Variants in HS3ST4 observed in about 807,000 individuals in gnomAD.
The protein encoded by HS3ST4 is heparan sulfate-glucosamine 3-sulfotransferase 4.
In HS3ST4, 17 loss-of-function variants were observed where a neutral mutation model predicts 29.2. That is an observed-to-expected ratio of 0.58 (90% CI 0.40 to 0.87). HS3ST4 has a LOEUF of 0.87. HS3ST4 is among the 40% of genes least tolerant of loss of function. The probability of loss-of-function intolerance (pLI) is 0.00; values close to 1 mark genes in which losing one functional copy is unlikely to be tolerated. For missense variants in HS3ST4, 627 were observed against 634.5 expected (o/e 0.99, Z 0.13); for synonymous variants, 314 against 285.7 (o/e 1.10, Z -1.00).
intron 1 of HS3ST4, among the ~76,000 whole-genome samples, chr16:25,869,780 G>T: frequency 6.6e-6 from 1 of 152,208 alleles, no homozygotes; most frequent in Non-Finnish European, 1.5e-5. Context: ...CCTGGGAGTA[G>T]TTGGCATTTA....
At position 25,876,997 on chromosome 16, in the gene HS3ST4, A is replaced by G. The variant is rs376405385; in HGVS notation, c.734+183846A>G. On this transcript the variant is annotated intron_variant, in intron 1 of 1. Transcript: ENST00000331351. ...ACTCATATCAGAAAACCCTAGCTAC[A>G]TGACTTTGTGCTAGGTATACAGTAA... Among the ~76,000 whole-genome samples, 4 of 152,196 alleles carry G rather than the reference A, an allele frequency of 2.6e-5. No individual in the cohort carries two copies. The South Asian group carries it at 6.2e-4, about 24-fold the overall frequency.
Position 25,934,555 on chromosome 16 carries a change from T to G in HS3ST4, c.735-201057T>G, listed in dbSNP as rs138801509. 1.2e-4 allele frequency among the ~76,000 whole-genome samples: 19 copies of G among 152,340 alleles called. No individual in the cohort carries two copies. The East Asian group carries it at 3.5e-3, about 28-fold the overall frequency. On this transcript the variant is annotated intron_variant, in intron 1 of 1. Coordinates refer to ENST00000331351, the MANE Select transcript of HS3ST4 (RefSeq NM_006040.3). Reference sequence around the variant, plus strand: ...TGGACAGGCCGAGGTGCTTTTCTGCTGAAGCCTCAGTTGAGGTGCATATAA... The same window carrying G: ...TGGACAGGCCGAGGTGCTTTTCTGCGGAAGCCTCAGTTGAGGTGCATATAA...
intron 1 of HS3ST4, among the ~76,000 whole-genome samples, chr16:25,957,897 G>T (rs1968752908): frequency 6.6e-6 from 1 of 152,116 alleles, no homozygotes; most frequent in Non-Finnish European, 1.5e-5. Flanking sequence ...ACAGGTGGCT[G>T]TTGGCTGGTG....
At chr16:26,043,003 A>C (rs1969648875) in intron 1 of HS3ST4, among the ~76,000 whole-genome samples, 1 of 152,224 alleles carries the variant, frequency 6.6e-6, no homozygotes, top group South Asian at 2.1e-4. Flanking sequence ...TCACTCAGCT[A>C]TCAGCAAAAC....
chr16:25,728,239 A>G (rs1966550043), intron 1 of HS3ST4, among the ~76,000 whole-genome samples: 1 of 152,258 alleles, frequency 6.6e-6, no homozygotes, highest in African/African-American at 2.4e-5. Flanking sequence ...TGACCTCATG[A>G]TCTGACTGCC....
At chr16:25,888,646 A>T (rs1380396021) in intron 1 of HS3ST4, among the ~76,000 whole-genome samples, 1 of 152,182 alleles carries the variant, frequency 6.6e-6, no homozygotes, top group Admixed American at 6.5e-5. Flanking sequence ...CCTTGGAGCT[A>T]GATTTGGGTT....
chr16:25,900,199 A>ATT (rs5816334), intron 1 of HS3ST4, among the ~76,000 whole-genome samples: 31,117 of 152,014 alleles, frequency 0.2, 3,387 homozygotes, highest in Admixed American at 0.27. Context: ...ATTTATTATT[A>ATT]GTTACCTACA....
chr16:25,863,313 C>T (rs1172511314), intron 1 of HS3ST4, among the ~76,000 whole-genome samples: 2 of 152,074 alleles, frequency 1.3e-5, no homozygotes, highest in African/African-American at 4.8e-5. Flanking sequence ...AATCTCTTGA[C>T]CTCCTGATCT....
At chr16:25,999,973 AGTTTAGAATCCAAGAAAT>A (rs1969199219) in intron 1 of HS3ST4, among the ~76,000 whole-genome samples, 1 of 147,314 alleles carries the variant, frequency 6.8e-6, no homozygotes, top group African/African-American at 2.5e-5. Context: ...GCAATGTATG[AGTTTAGAATCCAAGAAAT>A]GTTTATCTAT....
chr16:25,866,028 G>A (rs1307891168), intron 1 of HS3ST4, among the ~76,000 whole-genome samples: 2 of 152,166 alleles, frequency 1.3e-5, no homozygotes, highest in Admixed American at 6.5e-5. Context: ...CAACAGTGAG[G>A]AAACAACCTT....
chr16:25,860,243 T>C (rs1392134061), intron 1 of HS3ST4, among the ~76,000 whole-genome samples: 4 of 152,134 alleles, frequency 2.6e-5, no homozygotes, highest in Non-Finnish European at 5.9e-5. Context: ...ATAGGAACTC[T>C]CATTCATTGC....
intron 1 of HS3ST4, among the ~76,000 whole-genome samples, chr16:26,114,716 G>T (rs1899178515): frequency 6.6e-6 from 1 of 152,108 alleles, no homozygotes; most frequent in East Asian, 1.9e-4. Flanking sequence ...GAAATGAAGA[G>T]AAATAAGTAC....
intron 1 of HS3ST4, among the ~76,000 whole-genome samples, chr16:25,910,579 G>T (rs1275792238): frequency 1.3e-5 from 2 of 151,804 alleles, no homozygotes; most frequent in African/African-American, 4.8e-5. Flanking sequence ...GGAGGCAGAG[G>T]TTGCAGTGAG....
intron 1 of HS3ST4, among the ~76,000 whole-genome samples, chr16:25,830,823 A>G (rs1167818053): frequency 2.0e-5 from 3 of 151,858 alleles, no homozygotes; most frequent in Non-Finnish European, 4.4e-5. Flanking sequence ...TCCTGAGTAT[A>G]GTGACGACCT....
chr16:26,089,174 C>A (rs756589896), intron 1 of HS3ST4, among the ~76,000 whole-genome samples: 31 of 152,162 alleles, frequency 2.0e-4, no homozygotes, highest in Non-Finnish European at 2.8e-4. Context: ...AGACTTGTTG[C>A]CAGAACCCCT....
chr16:26,131,372 T>C (rs1369093230), intron 1 of HS3ST4, among the ~76,000 whole-genome samples: 1 of 152,230 alleles, frequency 6.6e-6, no homozygotes, highest in Admixed American at 6.5e-5. Context: ...CAGTACCTTT[T>C]CCATGGCCCA....
At chr16:25,758,817 G>C (rs781222897) in intron 1 of HS3ST4, among the ~76,000 whole-genome samples, 9 of 151,880 alleles carry the variant, frequency 5.9e-5, no homozygotes, top group Non-Finnish European at 1.3e-4. Flanking sequence ...TTAGCCGGGC[G>C]TGGTGGTGCA....
intron 1 of HS3ST4, among the ~76,000 whole-genome samples, chr16:25,695,976 T>C (rs1244440651): frequency 1.3e-5 from 2 of 152,194 alleles, no homozygotes; most frequent in Non-Finnish European, 2.9e-5. Context: ...TCAAGAGCCC[T>C]AGCAGGTTCA....
intron 1 of HS3ST4, among the ~76,000 whole-genome samples, chr16:26,098,150 T>C (rs1898950502): frequency 6.6e-6 from 1 of 152,170 alleles, no homozygotes; most frequent in Non-Finnish European, 1.5e-5. Flanking sequence ...TGTAAATTAG[T>C]TCAACCATTG....
Sources: allele counts gnomAD v4.1 joint callset (sites outside exome capture counted in the v4.1 genomes callset), GRCh38; gene constraint gnomAD v4.1.1; transcripts MANE v1.5; gene names NCBI Gene and HGNC (gene_info 2026-07-23, HGNC 2026-07-21).